Variants in EMX2 observed in about 807,000 individuals in gnomAD.
EMX2 encodes the protein homeobox protein EMX2.
In EMX2, 6 loss-of-function variants were observed where a neutral mutation model predicts 23.0. The observed-to-expected ratio is 0.26, with a 90% CI of 0.14 to 0.52. The LOEUF (loss-of-function observed/expected upper bound fraction) is 0.52, where lower values mean the gene tolerates loss of function less well. Ranked by LOEUF, EMX2 falls within the 20% of genes least tolerant of loss-of-function variation. The pLI is 0.97. For missense variants in EMX2, 302 were observed against 341.4 expected, an observed-to-expected ratio of 0.88 and a Z score of 0.91; for synonymous variants, 175 against 153.3, an observed-to-expected ratio of 1.14 and a Z score of -1.04.
chr10:117,545,765 G>A lies in EMX2; in HGVS notation c.540G>A (p.Val180=), dbSNP rs2133969636. The change falls in exon 2 of 3, where the codon GTG becomes GTA. Residue 180 remains valine, a synonymous_variant. Coordinates refer to ENST00000553456, the MANE Select transcript of EMX2 (RefSeq NM_004098.4). ...EHAFEKNHYV[V]GAERKQLAHS... ...CCTTTGAGAAGAATCACTACGTGGT[G>A]GGCGCCGAAAGGAAGCAGCTGGCAC... The A allele has an allele frequency of 1.9e-6, 3 of 1,614,016 alleles. No individual in the cohort carries two copies. In the African/African-American group the frequency reaches 4.0e-5, roughly 22 times the overall value.
At chr10:117,546,537 G>A (rs1846581166) in intron 2 of EMX2, among the ~76,000 whole-genome samples, 1 of 152,232 alleles carries the variant, frequency 6.6e-6, no homozygotes, top group Non-Finnish European at 1.5e-5. Flanking sequence ...AGACTAAGTT[G>A]TAACACTTTT....
intron 2 of EMX2, among the ~76,000 whole-genome samples, chr10:117,547,325 A>G (rs1322149460): frequency 3.9e-5 from 6 of 152,160 alleles, no homozygotes; most frequent in Non-Finnish European, 7.3e-5. Flanking sequence ...CCCTTCTCTT[A>G]GTTTCTCTTA....
Position 117,545,650 on chromosome 10 carries a change from A to G in EMX2, c.425A>G (p.Glu142Gly), listed in dbSNP as rs1846567187. ...CCCGCAGGGAACGACACTAGCCCCG[A>G]GAGTTTCCTTTTGCACAACGCGCTG... ...HRFQGNDTSP[E>G]SFLLHNALAR... Residue 142 changes from glutamate to glycine, a missense_variant, in exon 2 of 3, where the codon GAG becomes GGG. Coordinates refer to ENST00000553456, the MANE Select transcript of EMX2 (RefSeq NM_004098.4). 2 of 1,614,090 alleles carry G rather than the reference A, an allele frequency of 1.2e-6. No homozygotes were observed. Among genetic ancestry groups the G allele is most frequent in the Non-Finnish European group, 1.7e-6 (2 of 1,180,028 alleles).
Position 117,543,424 on chromosome 10 carries a change from T to A in EMX2, c.157T>A (p.Ser53Thr), listed in dbSNP as rs758460881. The A allele has an allele frequency of 1.9e-5, 30 of 1,596,736 alleles. No homozygotes were observed. Among genetic ancestry groups the A allele is most frequent in the African/African-American group, 2.7e-5 (2 of 74,236 alleles). The change falls in exon 1 of 3, where the codon TCG (serine) becomes ACG (threonine). Residue 53 changes from serine to threonine, a missense_variant. This residue lies in a region of EMX2 where 221 missense variants were observed against 206.8 expected (regional missense o/e 1.07). Transcript: ENST00000553456. ...AAATCCGTTCCTCAACGGCTTCCAC[T>A]CGGCCGCCGCCGCCGCCGCCGGTAG... ...PINPFLNGFH[S>T]AAAAAAGRGV...
At chr10:117,547,878 C>T (rs1302378221) in intron 2 of EMX2, among the ~76,000 whole-genome samples, 187 bp from the exon 3 acceptor site, 1 of 151,984 alleles carries the variant, frequency 6.6e-6, no homozygotes, top group Non-Finnish European at 1.5e-5. Context: ...GCTTCTGTTC[C>T]ACCACGCACT....
chr10:117,543,151 C>CCCCCCCCCA lies in EMX2; in HGVS notation c.-115_-114insCCCCCCACC. On this transcript the variant is annotated 5_prime_UTR_variant, in exon 1 of 3. Transcript: ENST00000553456. ...TCCTTCCCCCCACCCCCACCCCCAC[C>CCCCCCCCCA]CCAAACAAACGAGTCCCCAATTCTC... is the stretch of plus-strand genomic sequence containing the variant. 3.2e-6 allele frequency: 1 copy of CCCCCCCCCA among 314,654 alleles called. No individual in the cohort carries two copies. Among genetic ancestry groups the CCCCCCCCCA allele is most frequent in the Non-Finnish European group, 4.7e-6 (1 of 212,334 alleles). The allele number at this position is 314,654 out of a possible 1,614,324, so 19.5% of individuals were successfully genotyped here. A position where few individuals can be genotyped will look rare whatever the true frequency, so the allele number is the denominator to read the frequency against.
At chr10:117,546,843 T>C (rs940360101) in intron 2 of EMX2, among the ~76,000 whole-genome samples, 1 of 152,242 alleles carries the variant, frequency 6.6e-6, no homozygotes, top group African/African-American at 2.4e-5. Context: ...TTCAGCCTTG[T>C]TCCCGCTCAG....
chr10:117,547,148 C>T (rs1846589734), intron 2 of EMX2, among the ~76,000 whole-genome samples: 1 of 152,150 alleles, frequency 6.6e-6, no homozygotes, highest in Non-Finnish European at 1.5e-5. Flanking sequence ...GGATGGCAGC[C>T]GACTCCCACC....
chr10:117,549,401 C>G lies in EMX2; in HGVS notation c.*1169C>G, dbSNP rs1466571350. On this transcript the variant is annotated 3_prime_UTR_variant, in exon 3 of 3. Coordinates refer to ENST00000553456, the MANE Select transcript of EMX2 (RefSeq NM_004098.4). Reference sequence around the variant, plus strand: ...ATCATAGACTTACTAAAGAGAGTGACAAATGCTTCCTTAATGTCTTCTATA... The same window carrying G: ...ATCATAGACTTACTAAAGAGAGTGAGAAATGCTTCCTTAATGTCTTCTATA... The G allele has an allele frequency of 6.6e-6, 1 of 152,624 alleles. No homozygotes were observed. The allele number at this position is 152,624 out of a possible 1,614,324, so 9.5% of individuals were successfully genotyped here.
rs756693906 is a variant in EMX2 at position 117,543,426 on chromosome 10, G to GGCCGCC, written c.173_178dup (p.Ala58_Ala59dup). 26 of 1,597,602 alleles carry GGCCGCC rather than the reference G, an allele frequency of 1.6e-5. No individual in the cohort carries two copies. The highest frequency in any genetic ancestry group is 5.6e-5 in the South Asian group (5 of 89,280). On this transcript the variant is annotated inframe_insertion, in exon 1 of 3. Transcript: ENST00000553456. ...ATCCGTTCCTCAACGGCTTCCACTC[G>GGCCGCC]GCCGCCGCCGCCGCCGCCGGTAGGG...
In EMX2 at chr10:117,543,651, A is replaced by T. The variant is rs1846530997; in HGVS notation, c.384A>T (p.Arg128=). Residue 128 remains arginine, a synonymous_variant, in exon 1 of 3, where the codon CGA becomes CGT. Transcript: ENST00000553456. ...TFYPWLIHRY[R]YLGHRFQGND... ...ACCCCTGGCTCATCCACCGCTACCG[A>T]TATCTGGGTCATCGCTTCCAAGGTA... 2 of 1,613,268 alleles carry T rather than the reference A, an allele frequency of 1.2e-6. No homozygotes were observed. The highest frequency in any genetic ancestry group is 2.7e-5 in the African/African-American group (2 of 74,814).
Position 117,543,031 on chromosome 10 carries a change from C to T in EMX2, c.-237C>T. ...TTCCCCCCTCTCTTCAGGTTGGGCG[C>T]GTTTGGTGCAAGATTCTCGGGATCC... On this transcript the variant is annotated 5_prime_UTR_variant, in exon 1 of 3. Coordinates refer to ENST00000553456, the MANE Select transcript of EMX2 (RefSeq NM_004098.4). The T allele has an allele frequency of 2.1e-6, 1 of 466,506 alleles. No individual in the cohort carries two copies. The highest frequency in any genetic ancestry group is 3.7e-6 in the Non-Finnish European group (1 of 271,038). 28.9% of individuals were successfully genotyped at this position (466,506 alleles called of 1,614,324 possible).
At chr10:117,546,159 A>G (rs1050308586) in intron 2 of EMX2, among the ~76,000 whole-genome samples, 3 of 152,078 alleles carry the variant, frequency 2.0e-5, no homozygotes, top group Admixed American at 2.0e-4. Flanking sequence ...GGGAGAGCAC[A>G]GTGGGGTTTC....
At chr10:117,546,670 G>A (rs1846583118) in intron 2 of EMX2, among the ~76,000 whole-genome samples, 1 of 152,246 alleles carries the variant, frequency 6.6e-6, no homozygotes, top group South Asian at 2.1e-4. Context: ...GATTTCTCCT[G>A]GACAGCCGAG....
At chr10:117,545,004 G>A (rs915508182) in intron 1 of EMX2, 1 of 152,042 alleles carries the variant, frequency 6.6e-6, no homozygotes, top group Non-Finnish European at 1.5e-5. Context: ...TTCTCTTCTA[G>A]TTCTCGGGAG....
At chr10:117,547,485 A>G (rs1846594603) in intron 2 of EMX2, among the ~76,000 whole-genome samples, 1 of 152,142 alleles carries the variant, frequency 6.6e-6, no homozygotes, top group South Asian at 2.1e-4. Context: ...CTCACCTGTG[A>G]GAGTCCCCCG....
At position 117,548,892 on chromosome 10, in the gene EMX2, T is replaced by G. The variant is rs1846619702; in HGVS notation, c.*660T>G. The G allele has an allele frequency of 2.6e-6, 1 of 385,088 alleles. No homozygotes were observed. The highest frequency in any genetic ancestry group is 4.6e-6 in the Non-Finnish European group (1 of 218,378). 23.9% of individuals were successfully genotyped at this position (385,088 alleles called of 1,614,324 possible). A position where few individuals can be genotyped will look rare whatever the true frequency, so the allele number is the denominator to read the frequency against. On this transcript the variant is annotated 3_prime_UTR_variant, in exon 3 of 3. Transcript: ENST00000553456. Reference sequence around the variant, plus strand: ...AGACCGAAAATGAATTGTAATTTTCTTTTCCTTTTAAAGACAGGTTCTGTG... The same window carrying G: ...AGACCGAAAATGAATTGTAATTTTCGTTTCCTTTTAAAGACAGGTTCTGTG...
In EMX2 at chr10:117,548,659, C is replaced by G; in HGVS notation, c.*427C>G. On this transcript the variant is annotated 3_prime_UTR_variant, in exon 3 of 3. Transcript: ENST00000553456. ...GATGATTGGCAGGTATTCCGTTTAT[C>G]ACAGTCCACTTAAAAAATGATGATG... 2.3e-6 allele frequency: 1 copy of G among 426,014 alleles called. No individual in the cohort carries two copies. The highest frequency in any genetic ancestry group is 4.1e-6 in the Non-Finnish European group (1 of 242,110). The allele number at this position is 426,014 out of a possible 1,614,324, so 26.4% of individuals were successfully genotyped here. A position where few individuals can be genotyped will look rare whatever the true frequency, so the allele number is the denominator to read the frequency against.
chr10:117,543,028 G>A lies in EMX2; in HGVS notation c.-240G>A. 2 of 492,910 alleles carry A rather than the reference G, an allele frequency of 4.1e-6. No individual in the cohort carries two copies. Among genetic ancestry groups the A allele is most frequent in the Non-Finnish European group, 6.9e-6 (2 of 287,822 alleles). The allele number at this position is 492,910 out of a possible 1,614,324, so 30.5% of individuals were successfully genotyped here. A position where few individuals can be genotyped will look rare whatever the true frequency, so the allele number is the denominator to read the frequency against. On this transcript the variant is annotated 5_prime_UTR_variant, in exon 1 of 3. Coordinates refer to ENST00000553456, the MANE Select transcript of EMX2 (RefSeq NM_004098.4). ...ATTTTCCCCCCTCTCTTCAGGTTGG[G>A]CGCGTTTGGTGCAAGATTCTCGGGA...
Sources: allele counts gnomAD v4.1 joint callset (sites outside exome capture counted in the v4.1 genomes callset), GRCh38; gene constraint gnomAD v4.1.1; regional missense constraint gnomAD v4.1.1; transcripts MANE v1.5; gene names NCBI Gene and HGNC (gene_info 2026-07-23, HGNC 2026-07-21).